VRK2: variants seen among roughly 807,000 people sequenced by gnomAD.
VRK2 encodes VRK serine/threonine kinase 2.
VRK2 carries 60 observed loss-of-function variants against 57.6 expected under a neutral mutation model. The observed-to-expected ratio is 1.04, with a 90% CI of 0.85 to 1.29. The LOEUF is 1.29. Among genes scored for constraint, VRK2 ranks in the 50% most tolerant of loss-of-function variants. The pLI is 0.00. For synonymous variants in VRK2, 231 were observed against 199.2 expected, an observed-to-expected ratio of 1.16 and a Z score of -1.35; for missense variants, 705 against 588.1, an observed-to-expected ratio of 1.20 and a Z score of -2.06.
At chr2:58,139,167 C>T (rs1680961260) in intron 10 of VRK2, among the ~76,000 whole-genome samples, 1 of 152,114 alleles carries the variant, frequency 6.6e-6, no homozygotes, top group Admixed American at 6.6e-5. Flanking sequence ...TAGCTAACAA[C>T]ATGGAATTCA....
At chr2:57,938,355 C>G (rs1670983985) in intron 1 of VRK2, among the ~76,000 whole-genome samples, 2 of 152,124 alleles carry the variant, frequency 1.3e-5, no homozygotes, top group African/African-American at 2.4e-5. Flanking sequence ...GGGCAAGACA[C>G]AGTCTTGGAA....
chr2:58,045,375 G>A (rs1020135031), upstream of VRK2, among the ~76,000 whole-genome samples: 2 of 152,166 alleles, frequency 1.3e-5, no homozygotes, highest in Non-Finnish European at 2.9e-5. Flanking sequence ...GGTTGCTACT[G>A]GAGTTGTTTC....
intron 9 of VRK2, 86 bp from the exon 10 acceptor site, chr2:58,135,055 C>T (rs1679817536): frequency 9.0e-6 from 13 of 1,441,918 alleles, no homozygotes; most frequent in Admixed American, 1.9e-5. Context: ...TGGTGACCTA[C>T]CAACACATAG....
chr2:57,960,913 C>T (rs1426732992), intron 1 of VRK2, among the ~76,000 whole-genome samples: 1 of 152,204 alleles, frequency 6.6e-6, no homozygotes, highest in African/African-American at 2.4e-5. Flanking sequence ...AGAGGAGCAA[C>T]ATGTAACCAT....
chr2:58,121,808 T>C (rs1677554675), intron 7 of VRK2, among the ~76,000 whole-genome samples: 1 of 152,210 alleles, frequency 6.6e-6, no homozygotes, highest in Non-Finnish European at 1.5e-5. Context: ...AAATGATACA[T>C]TTTCCAAGTT....
At chr2:58,072,371 T>G (rs1000676901) in intron 2 of VRK2, among the ~76,000 whole-genome samples, 2 of 151,996 alleles carry the variant, frequency 1.3e-5, no homozygotes, top group African/African-American at 4.8e-5. Flanking sequence ...AGCATCTAGT[T>G]TCTCAGCAGT....
At chr2:57,995,190 A>T (rs910191565) in intron 1 of VRK2, among the ~76,000 whole-genome samples, 2 of 152,212 alleles carry the variant, frequency 1.3e-5, no homozygotes. Flanking sequence ...GAATGGGTCA[A>T]TGTTAAATTT....
In VRK2 at chr2:58,140,986, C is replaced by T. The variant is rs145324618; in HGVS notation, c.1023+1154C>T. Among the ~76,000 whole-genome samples, 611 of 152,038 alleles carry T rather than the reference C, an allele frequency of 4.0e-3. 7 individuals are homozygous for T. The highest frequency in any genetic ancestry group is 0.014 in the African/African-American group (570 of 41,506). Reference sequence around the variant, plus strand: ...TGATTGTCACCTTTCTCTCATGATACAATTAGATTTTATTGTAGCAAGTGC... The same window carrying T: ...TGATTGTCACCTTTCTCTCATGATATAATTAGATTTTATTGTAGCAAGTGC... On this transcript the variant is annotated intron_variant, in intron 11 of 12. Transcript: ENST00000340157.
At chr2:58,018,919 T>C (rs1160079940) in intron 1 of VRK2, among the ~76,000 whole-genome samples, 1 of 152,228 alleles carries the variant, frequency 6.6e-6, no homozygotes, top group African/African-American at 2.4e-5. Flanking sequence ...ACATAACCTC[T>C]GCATATACAT....
At chr2:57,925,994 C>T (rs1670519405) in intron 1 of VRK2, among the ~76,000 whole-genome samples, 1 of 151,948 alleles carries the variant, frequency 6.6e-6, no homozygotes, top group Non-Finnish European at 1.5e-5. Flanking sequence ...ACCCACTGGT[C>T]ATTCAGGAGC....
intron 1 of VRK2, among the ~76,000 whole-genome samples, chr2:57,949,255 T>C (rs963746994): frequency 6.6e-6 from 1 of 152,200 alleles, no homozygotes; most frequent in Admixed American, 6.5e-5. Flanking sequence ...CCCTGTTTTA[T>C]TGCACTTCAT....
intron 4 of VRK2, among the ~76,000 whole-genome samples, chr2:58,086,050 A>G (rs1348956132): frequency 1.3e-5 from 2 of 150,670 alleles, no homozygotes; most frequent in East Asian, 1.9e-4. Context: ...TTTAGCTAGT[A>G]TATAAGATAA....
chr2:58,088,434 AGGTATCCGAAT>A lies in VRK2; in HGVS notation c.443_450+3del. 6.2e-7 allele frequency: 1 copy of A among 1,609,434 alleles called. No individual in the cohort carries two copies. Among genetic ancestry groups the A allele is most frequent in the Non-Finnish European group, 8.5e-7 (1 of 1,176,520 alleles). The stretch of plus-strand genomic sequence containing the variant: ...TTAAAAAGTCAACTGTCCTGCAATT[AGGTATCCGAAT>A]GGTAAGAATTACTTATTTCGCATGC... On this transcript the variant is annotated frameshift_variant and splice_region_variant, in exon 6 of 13. Coordinates refer to ENST00000340157, the MANE Select transcript of VRK2 (RefSeq NM_006296.7). LOFTEE classifies it high-confidence loss of function.
chr2:57,917,185 G>C (rs1398244307), intron 1 of VRK2, among the ~76,000 whole-genome samples: 1 of 152,018 alleles, frequency 6.6e-6, no homozygotes, highest in Non-Finnish European at 1.5e-5. Flanking sequence ...CCAACAACCT[G>C]GGAGATAATT....
chr2:58,119,093 G>A (rs1052378089), intron 7 of VRK2, among the ~76,000 whole-genome samples: 2 of 152,194 alleles, frequency 1.3e-5, no homozygotes, highest in African/African-American at 4.8e-5. Context: ...CAAGTCACAG[G>A]GGATGCGATG....
chr2:58,034,356 C>T (rs1674208305), intron 3 of VRK2, among the ~76,000 whole-genome samples: 1 of 151,912 alleles, frequency 6.6e-6, no homozygotes, highest in South Asian at 2.1e-4. Flanking sequence ...TTCTTTCTTT[C>T]CCAGTTTGCC....
intron 1 of VRK2, among the ~76,000 whole-genome samples, chr2:58,022,008 A>T (rs953212023): frequency 6.6e-6 from 1 of 152,172 alleles, no homozygotes; most frequent in Admixed American, 6.5e-5. Context: ...CCTTCATGCT[A>T]TCCATATTGA....
chr2:58,046,830 C>G lies in VRK2; in HGVS notation c.-44C>G. 1.0e-6 allele frequency: 1 copy of G among 985,600 alleles called. No individual in the cohort carries two copies. Among genetic ancestry groups the G allele is most frequent in the Non-Finnish European group, 1.2e-6 (1 of 830,096 alleles). 61.1% of individuals were successfully genotyped at this position (985,600 alleles called of 1,614,324 possible). On this transcript the variant is annotated 5_prime_UTR_variant, in exon 1 of 13. Coordinates refer to ENST00000340157, the MANE Select transcript of VRK2 (RefSeq NM_006296.7). ...CCTCGTCGCAGCGGCAGGTAGGAGG[C>G]GGTGCGCGCGGCCCGGCGACGGGGG...
In VRK2 at chr2:58,159,378, A is replaced by G. The variant is rs928036124; in HGVS notation, c.1212A>G (p.Gln404=). The G allele has an allele frequency of 2.5e-6, 4 of 1,610,476 alleles. No homozygotes were observed. The East Asian group carries it at 6.7e-5, about 27-fold the overall frequency. The change falls in exon 13 of 13, where the codon CAA becomes CAG. Residue 404 remains glutamine, a synonymous_variant. Coordinates refer to ENST00000340157, the MANE Select transcript of VRK2 (RefSeq NM_006296.7). ...GCACAAGGAGAAGACAGAAATATCA[A>G]GAGTCTCAAGAACCTTTGAATGAAG... is the stretch of plus-strand genomic sequence containing the variant. ...QESTRRRQKY[Q]ESQEPLNEVN...
Sources: gnomAD v4.1 joint callset for allele counts (sites outside exome capture counted in the v4.1 genomes callset) on GRCh38, gnomAD v4.1.1 for gene constraint, MANE v1.5 for transcripts, NCBI Gene and HGNC (gene_info 2026-07-23, HGNC 2026-07-21) for gene names.